Variants in PARD3B observed in about 807,000 individuals in gnomAD.
PARD3B encodes par-3 family cell polarity regulator beta, also known as partitioning defective 3 homolog B.
In PARD3B, 103 loss-of-function variants were observed where a neutral mutation model predicts 130.2. The observed-to-expected ratio is 0.79, with a 90% CI of 0.67 to 0.93. The LOEUF is 0.93. PARD3B is among the 40% of genes least tolerant of loss of function. The pLI is 0.00. For synonymous variants in PARD3B, 583 were observed against 553.2 expected, an observed-to-expected ratio of 1.05 and a Z score of -0.76; for missense variants, 1,609 against 1,499.2, an observed-to-expected ratio of 1.07 and a Z score of -1.21.
chr2:205,152,597 A>G (rs556409612), intron 10 of PARD3B, among the ~76,000 whole-genome samples: 1 of 152,230 alleles, frequency 6.6e-6, no homozygotes, highest in South Asian at 2.1e-4. Flanking sequence ...CATGGTTTTC[A>G]GCTCCATCGG....
At position 204,993,898 on chromosome 2, in the gene PARD3B, T is replaced by G. The variant is rs1184638890; in HGVS notation, c.394+28575T>G. ...GTTTGTAGTATTCTCTGATGGTAGT[T>G]TGTATTTCTGTGGGATCGGTGGTGA... On this transcript the variant is annotated intron_variant, in intron 3 of 22. Transcript: ENST00000406610. Among the ~76,000 whole-genome samples the G allele has an allele frequency of 4.0e-5, 6 of 151,780 alleles. No individual in the cohort carries two copies. The South Asian group carries it at 6.2e-4, about 16-fold the overall frequency.
Position 204,680,633 on chromosome 2 carries a change from A to G in PARD3B, c.121-5548A>G, listed in dbSNP as rs143522844. Among the ~76,000 whole-genome samples the G allele has an allele frequency of 4.7e-3, 706 of 151,804 alleles. 3 individuals are homozygous for G. Among genetic ancestry groups the G allele is most frequent in the Non-Finnish European group, 7.3e-3 (494 of 67,892 alleles). ...TGATCAATTTTTTTTACTTGTTAAT[A>G]TGTGCATTAAAGACCATAACTGACA... On this transcript the variant is annotated intron_variant, in intron 1 of 22. Transcript: ENST00000406610.
rs78844918 is a variant in PARD3B, at chr2:205,155,155, G to A, written c.1435-3567G>A. ...TTCTTGAATTTTGTTTGTACTAAATGAAAAACAACTTATTGGTTGGTTGAC... is the reference window on the plus strand; with the variant it reads ...TTCTTGAATTTTGTTTGTACTAAATAAAAAACAACTTATTGGTTGGTTGAC... On this transcript the variant is annotated intron_variant, in intron 10 of 22. Coordinates refer to ENST00000406610, the MANE Select transcript of PARD3B (RefSeq NM_001302769.2). 5.5e-3 allele frequency among the ~76,000 whole-genome samples: 843 copies of A among 152,194 alleles called. 3 individuals carry two copies. The highest frequency in any genetic ancestry group is 9.1e-3 in the Non-Finnish European group (616 of 67,996).
chr2:205,479,980 G>A lies in PARD3B; in HGVS notation c.3045-19916G>A, dbSNP rs1243661042. 1.0e-4 allele frequency among the ~76,000 whole-genome samples: 15 copies of A among 146,026 alleles called. No individual in the cohort carries two copies. In the South Asian group the frequency reaches 3.1e-3, roughly 30 times the overall value. On this transcript the variant is annotated intron_variant, in intron 20 of 22. Coordinates refer to ENST00000406610, the MANE Select transcript of PARD3B (RefSeq NM_001302769.2). ...TGCACTGGTGCAATCTCAGCCCACT[G>A]CAACCTCTGCCTCCCAGGTTCAAGC...
At position 205,122,699 on chromosome 2, in the gene PARD3B, T is replaced by A. The variant is rs1488948842; in HGVS notation, c.1165+750T>A. On this transcript the variant is annotated intron_variant, in intron 8 of 22. Transcript: ENST00000406610. This position sits in a 1 kb window ranked among gnomAD's most constrained non-coding sequence, Gnocchi z 4.3. ...AAGAAACCAAGATCTTATAGATTCT[T>A]GTCTGAATTAATAGAGAATTTATGG... Among the ~76,000 whole-genome samples, 1 of 152,246 alleles carries A rather than the reference T, an allele frequency of 6.6e-6. No homozygotes were observed. The highest frequency in any genetic ancestry group is 1.5e-5 in the Non-Finnish European group (1 of 68,038).
intron 18 of PARD3B, among the ~76,000 whole-genome samples, chr2:205,354,543 C>T (rs576798752): frequency 1.3e-5 from 2 of 152,200 alleles, no homozygotes; most frequent in East Asian, 3.9e-4. Flanking sequence ...TTTCTGAACT[C>T]CTGGACTCAA....
rs181044414 is a variant in PARD3B, at chr2:205,193,105, G to A, written c.2025-100G>A. ...TTGAAAATATGTGGTTGGGAGCTGC[G>A]CAGAGTGATGAGTGGCTGTGTTCAA... On this transcript the variant is annotated intron_variant, in intron 14 of 22. Transcript: ENST00000406610. 7.0e-4 allele frequency: 528 copies of A among 756,478 alleles called. 2 individuals carry two copies. The African/African-American group carries it at 8.1e-3, about 12-fold the overall frequency. 46.9% of individuals were successfully genotyped at this position (756,478 alleles called of 1,614,324 possible).
At chr2:205,310,261 T>C (rs937920913) in intron 18 of PARD3B, among the ~76,000 whole-genome samples, 3 of 151,326 alleles carry the variant, frequency 2.0e-5, no homozygotes, top group African/African-American at 7.3e-5. Flanking sequence ...ATTTTTTGTA[T>C]TTTTTTTAAT....
rs142677117 is a variant in PARD3B, at chr2:205,013,809, T to C, written c.395-33772T>C. Among the ~76,000 whole-genome samples the C allele has an allele frequency of 1.4e-3, 212 of 151,942 alleles. 2 individuals are homozygous for C. The highest frequency in any genetic ancestry group is 5.0e-3 in the African/African-American group (207 of 41,444). On this transcript the variant is annotated intron_variant, in intron 3 of 22. Coordinates refer to ENST00000406610, the MANE Select transcript of PARD3B (RefSeq NM_001302769.2). Reference sequence around the variant, plus strand: ...GGGTTCACAGGGTCAAAGGGCAGAGTTCCTGTTGGGATGTGGGAAAAGATG... The same window carrying C: ...GGGTTCACAGGGTCAAAGGGCAGAGCTCCTGTTGGGATGTGGGAAAAGATG...
chr2:204,573,795 A>C (rs1056148897), intron 1 of PARD3B, among the ~76,000 whole-genome samples: 1 of 152,202 alleles, frequency 6.6e-6, no homozygotes, highest in African/African-American at 2.4e-5. Context: ...GTCAGAGTCT[A>C]CAGCTCAGCA....
chr2:205,433,614 A>T (rs947682961), intron 19 of PARD3B, among the ~76,000 whole-genome samples: 5 of 151,822 alleles, frequency 3.3e-5, no homozygotes, highest in African/African-American at 1.2e-4. Context: ...ACAGAGTAAT[A>T]TTCTCTTTTC....
rs1696599657 is a variant in PARD3B, at chr2:205,021,582, CTCTCTCTTCTCT to C, written c.395-25991_395-25980del. ...ATTGAGCAACTATATGCTCTCTTCTCTCTCTCTTCTCTTCTCTCTCTCTCTCTCTCTCTCTCT... is the reference window on the plus strand; with the variant it reads ...ATTGAGCAACTATATGCTCTCTTCTCTCTCTCTCTCTCTCTCTCTCTCTCT... On this transcript the variant is annotated intron_variant, in intron 3 of 22. Transcript: ENST00000406610. This position sits in a 1 kb window ranked among gnomAD's most constrained non-coding sequence, Gnocchi z 4.5. 6.6e-6 allele frequency among the ~76,000 whole-genome samples: 1 copy of C among 151,010 alleles called. No homozygotes were observed. The highest frequency in any genetic ancestry group is 1.9e-4 in the East Asian group (1 of 5,154).
intron 2 of PARD3B, among the ~76,000 whole-genome samples, chr2:204,788,191 A>G (rs990161709): frequency 1.3e-5 from 2 of 152,200 alleles, no homozygotes; most frequent in African/African-American, 4.8e-5. Flanking sequence ...ACTCTGTTGG[A>G]AAGGCAAACA....
Position 205,185,847 on chromosome 2 carries a change from G to A in PARD3B, c.2008G>A (p.Glu670Lys), listed in dbSNP as rs533762502. Residue 670 changes from glutamate to lysine, a missense_variant, in exon 14 of 23, where the codon GAA (glutamate) becomes AAA (lysine). Transcript: ENST00000406610. ...TPHSALGLGL[E>K]DYSHSSGVDS... is the part of the protein sequence containing the mutation. ...ACATTCTGCTCTGGGATTGGGCCTC[G>A]AAGATTACAGCCACAGGTATTGATA... The A allele has an allele frequency of 9.9e-6, 16 of 1,613,004 alleles. No individual in the cohort carries two copies. Among genetic ancestry groups the A allele is most frequent in the Admixed American group, 5.0e-5 (3 of 60,010 alleles).
chr2:204,896,145 G>T (rs1470546386), intron 2 of PARD3B, among the ~76,000 whole-genome samples: 1 of 152,018 alleles, frequency 6.6e-6, no homozygotes, highest in Non-Finnish European at 1.5e-5. Flanking sequence ...CTGTGAAATG[G>T]GATTCTGCAA....
rs565743637 is a variant in PARD3B, at chr2:205,463,825, A to G, written c.3044+23153A>G. On this transcript the variant is annotated intron_variant, in intron 20 of 22. Transcript: ENST00000406610. The surrounding 1 kb of genome is among the most constrained non-coding windows in gnomAD (Gnocchi z 4.8). ...GAAGGAAAGCCAGCCACCCTTCCCC[A>G]CATACCATGCAGCTGTTGCAGTAGC... Among the ~76,000 whole-genome samples the G allele has an allele frequency of 1.3e-5, 2 of 152,328 alleles. No homozygotes were observed. Among genetic ancestry groups the G allele is most frequent in the Admixed American group, 1.3e-4 (2 of 15,296 alleles).
chr2:204,642,900 T>G (rs895673146), intron 1 of PARD3B, among the ~76,000 whole-genome samples: 4 of 150,850 alleles, frequency 2.7e-5, no homozygotes, highest in Admixed American at 2.6e-4. Context: ...GATCACAAGG[T>G]CAGGAGACCA....
intron 22 of PARD3B, among the ~76,000 whole-genome samples, chr2:205,583,946 C>T (rs569719947): frequency 6.6e-6 from 1 of 152,320 alleles, no homozygotes; most frequent in African/African-American, 2.4e-5. Context: ...GAGGATTTTA[C>T]ACATTCTCCT....
At chr2:205,413,679 G>A (rs907452762) in intron 19 of PARD3B, among the ~76,000 whole-genome samples, 1 of 152,150 alleles carries the variant, frequency 6.6e-6, no homozygotes, top group Non-Finnish European at 1.5e-5. Flanking sequence ...AATCATTGAA[G>A]CATAGTGGCC....
Sources: allele counts gnomAD v4.1 joint callset (sites outside exome capture counted in the v4.1 genomes callset), GRCh38; gene constraint gnomAD v4.1.1; non-coding constraint Gnocchi (gnomAD v3.1); transcripts MANE v1.5; gene names NCBI Gene and HGNC (gene_info 2026-07-23, HGNC 2026-07-21).